SP140: variants seen among roughly 807,000 people sequenced by gnomAD.
SP140 encodes SP140 nuclear body protein.
SP140 carries 81 observed loss-of-function variants against 125.0 expected under a neutral mutation model. The observed-to-expected ratio is 0.65, with a 90% CI of 0.54 to 0.78. The LOEUF (loss-of-function observed/expected upper bound fraction) is 0.78. SP140 is among the 30% of genes least tolerant of loss of function. SP140 has a pLI of 0.00. For synonymous variants in SP140, 312 were observed against 354.0 expected, an observed-to-expected ratio of 0.88 and a Z score of 1.33; for missense variants, 858 against 1,037.0, an observed-to-expected ratio of 0.83 and a Z score of 2.37.
In SP140 at chr2:230,247,937, T is replaced by C. The variant is rs1355065870; in HGVS notation, c.764T>C (p.Ile255Thr). ...CTAGTTCTAGAAAGCAACGGGATGA[T>C]AGATGCGGCAAGGACATACAGCACA... ...DTEVLESNGM[I>T]DAARTYSTAP... The change falls in exon 8 of 27, where the codon ATA becomes ACA. Residue 255 changes from isoleucine to threonine, a missense_variant. Transcript: ENST00000392045. 1.2e-6 allele frequency: 2 copies of C among 1,613,670 alleles called. No individual in the cohort carries two copies. Among genetic ancestry groups the C allele is most frequent in the Non-Finnish European group, 1.7e-6 (2 of 1,179,768 alleles).
chr2:230,292,900 G>A (rs2057293444), intron 20 of SP140, 112 bp downstream of exon 20: 2 of 1,485,164 alleles, frequency 1.3e-6, no homozygotes, highest in Admixed American at 2.0e-5. Flanking sequence ...TGATGCCAGT[G>A]GGTTTATCCT....
chr2:230,222,829 T>A (rs1045212898), upstream of SP140, among the ~76,000 whole-genome samples: 3 of 149,496 alleles, frequency 2.0e-5, no homozygotes, highest in African/African-American at 7.4e-5. Flanking sequence ...ATTAGTTTCG[T>A]GTGTATTAAA....
chr2:230,217,752 C>T (rs547167317), intron 3 of SP140, among the ~76,000 whole-genome samples: 1 of 152,292 alleles, frequency 6.6e-6, no homozygotes, highest in Non-Finnish European at 1.5e-5. Context: ...GTTCTATGGC[C>T]ACACTGATCT....
intron 1 of SP140, among the ~76,000 whole-genome samples, chr2:230,226,584 G>T (rs1169318957): frequency 6.6e-6 from 1 of 152,012 alleles, no homozygotes; most frequent in Admixed American, 6.6e-5. Flanking sequence ...CCAACGTGGA[G>T]AAACCCTGTC....
chr2:230,209,651 CA>C (rs1478016232), intron 1 of SP140, among the ~76,000 whole-genome samples: 1 of 152,108 alleles, frequency 6.6e-6, no homozygotes, highest in African/African-American at 2.4e-5. Flanking sequence ...GAGGGAAGTG[CA>C]ATTAACACTC....
the SP140 span, among the ~76,000 whole-genome samples, chr2:230,192,235 T>G: frequency 6.6e-6 from 1 of 152,190 alleles, no homozygotes; most frequent in Non-Finnish European, 1.5e-5. Flanking sequence ...AAGACAAGGA[T>G]GCCCTCTCTC....
At chr2:230,287,646 A>T (rs2056559561) in intron 17 of SP140, among the ~76,000 whole-genome samples, 1 of 152,242 alleles carries the variant, frequency 6.6e-6, no homozygotes, top group Non-Finnish European at 1.5e-5. Context: ...TTTGCTTGAG[A>T]TATACGTGAA....
At chr2:230,293,984 G>A (rs973676265) in intron 20 of SP140, among the ~76,000 whole-genome samples, 2 of 152,196 alleles carry the variant, frequency 1.3e-5, no homozygotes, top group Non-Finnish European at 2.9e-5. Flanking sequence ...GGTGGGACTG[G>A]AAGAGAGGTG....
rs182651769 is a variant in SP140, at chr2:230,225,817, G to A, written c.-28G>A. 5.5e-5 allele frequency: 88 copies of A among 1,607,762 alleles called. 2 individuals carry two copies. In the South Asian group the frequency reaches 8.1e-4, roughly 15 times the overall value. On this transcript the variant is annotated 5_prime_UTR_variant, in exon 1 of 27. Coordinates refer to ENST00000392045, the MANE Select transcript of SP140 (RefSeq NM_007237.5). ...AGGAAGGAACGGGGCAGTGAAAATC[G>A]AATCGGGTGTGATCCTAGGCCAAGC...
At chr2:230,243,836 C>T (rs764377590) in intron 5 of SP140, 25 bp downstream of exon 5, 1 of 1,542,678 alleles carries the variant, frequency 6.5e-7, no homozygotes, top group Non-Finnish European at 9.0e-7. Flanking sequence ...ACTTGCTCTC[C>T]CTGACCTGCA....
intron 17 of SP140, among the ~76,000 whole-genome samples, chr2:230,287,349 G>A (rs746259503): frequency 3.6e-4 from 55 of 152,168 alleles, no homozygotes; most frequent in Non-Finnish European, 4.9e-4. Flanking sequence ...CTCACCTATG[G>A]GACACCTAAT....
intron 1 of SP140, 63 bp downstream of exon 1, chr2:230,225,966 T>A: frequency 7.8e-7 from 1 of 1,281,958 alleles, no homozygotes; most frequent in East Asian, 2.3e-5. Context: ...TTCATACTTG[T>A]TATTTAATGT....
In SP140 at chr2:230,246,821, AG is replaced by A. The variant is rs1234339611; in HGVS notation, c.742+882del. On this transcript the variant is annotated intron_variant, in intron 7 of 26. Transcript: ENST00000392045. ...GTGGAGAAAATACTGTGAGAGGAACAGAGAGAAGAAAAATGCTCGAAGACAG... is the reference window on the plus strand; with the variant it reads ...GTGGAGAAAATACTGTGAGAGGAACAAGAGAAGAAAAATGCTCGAAGACAG... 4.6e-5 allele frequency among the ~76,000 whole-genome samples: 7 copies of A among 152,314 alleles called. No individual in the cohort carries two copies. In the South Asian group the frequency reaches 1.2e-3, roughly 27 times the overall value.
At chr2:230,270,868 G>T (rs1158354733) in intron 15 of SP140, 3 of 575,348 alleles carry the variant, frequency 5.2e-6, no homozygotes, top group African/African-American at 1.8e-5. Flanking sequence ...CTTGAAATGG[G>T]GAGATGATCC....
intron 3 of SP140, among the ~76,000 whole-genome samples, chr2:230,240,572 A>G (rs1021089385): frequency 2.5e-5 from 3 of 119,912 alleles, no homozygotes; most frequent in Non-Finnish European, 6.2e-5. Context: ...GTATGACATT[A>G]TTAATCATGA....
chr2:230,230,416 G>A (rs948889462), intron 1 of SP140: 2 of 152,142 alleles, frequency 1.3e-5, no homozygotes, highest in African/African-American at 2.4e-5. Context: ...GAGCAATTGC[G>A]GTGGTTATGG....
intron 22 of SP140, among the ~76,000 whole-genome samples, chr2:230,299,239 G>A (rs966532468): frequency 5.3e-5 from 8 of 152,136 alleles, no homozygotes; most frequent in Admixed American, 2.6e-4. Flanking sequence ...GCAAACTCTG[G>A]GAGATAGCCA....
chr2:230,215,924 G>C (rs551126134), intron 3 of SP140, among the ~76,000 whole-genome samples: 2 of 152,346 alleles, frequency 1.3e-5, no homozygotes, highest in East Asian at 3.9e-4. Flanking sequence ...AGATGTCTCT[G>C]AGGAGTGCTC....
intron 22 of SP140, among the ~76,000 whole-genome samples, chr2:230,303,751 A>G (rs1326307982): frequency 2.0e-5 from 3 of 152,258 alleles, no homozygotes; most frequent in Admixed American, 6.5e-5. Context: ...TAGAGGGGAC[A>G]TACCTTAAGG....
Sources: gnomAD v4.1 joint callset for allele counts (sites outside exome capture counted in the v4.1 genomes callset) on GRCh38, gnomAD v4.1.1 for gene constraint, MANE v1.5 for transcripts, NCBI Gene and HGNC (gene_info 2026-07-23, HGNC 2026-07-21) for gene names.